Variants in SCN11A observed in about 807,000 individuals in gnomAD.
The protein encoded by SCN11A is sodium voltage-gated channel alpha subunit 11.
Under a neutral mutation model 162.2 loss-of-function variants are expected in SCN11A, and 122 were observed. The observed-to-expected ratio is 0.75, with a 90% confidence interval of 0.65 to 0.87. SCN11A has a LOEUF of 0.87. Among genes scored for constraint, SCN11A ranks in the 40% least tolerant of loss-of-function variants. SCN11A has a pLI of 0.00. For missense variants in SCN11A, 2,015 were observed against 2,181.6 expected, an observed-to-expected ratio of 0.92 and a Z score of 1.52; for synonymous variants, 758 against 751.5, an observed-to-expected ratio of 1.01 and a Z score of -0.14.
chr3:38,883,790 A>T (rs957291653), intron 21 of SCN11A, among the ~76,000 whole-genome samples: 1 of 152,192 alleles, frequency 6.6e-6, no homozygotes, highest in Non-Finnish European at 1.5e-5. Context: ...GCCAATCAAG[A>T]TCAGCTGAAT....
At chr3:38,887,344 G>C (rs1296455143) in intron 19 of SCN11A, among the ~76,000 whole-genome samples, 1 of 150,624 alleles carries the variant, frequency 6.6e-6, no homozygotes, top group Non-Finnish European at 1.5e-5. Flanking sequence ...GGCCACTGGA[G>C]CAAGTCACAC....
At chr3:38,979,908 A>AC (rs1420594573) in intron 2 of SCN11A, among the ~76,000 whole-genome samples, 1 of 151,700 alleles carries the variant, frequency 6.6e-6, no homozygotes, top group Admixed American at 6.6e-5. Flanking sequence ...AAAATTTAAA[A>AC]CCCCCTTAGT....
chr3:38,977,572 G>A (rs1044330221), intron 2 of SCN11A, among the ~76,000 whole-genome samples: 2 of 152,288 alleles, frequency 1.3e-5, no homozygotes, highest in East Asian at 1.9e-4. Context: ...TGTTAGTGTT[G>A]TTTGTGTTTT....
At chr3:38,849,638 A>G (rs1231411917) in intron 29 of SCN11A, 2 of 152,246 alleles carry the variant, frequency 1.3e-5, no homozygotes, top group Non-Finnish European at 2.9e-5. Flanking sequence ...TAAAATGTCA[A>G]GTTAACAGTT....
chr3:38,877,209 A>G (rs976538717), intron 23 of SCN11A, among the ~76,000 whole-genome samples: 1 of 46,744 alleles, frequency 2.1e-5, no homozygotes, highest in African/African-American at 1.1e-4. Context: ...TATATATGGT[A>G]TATATATGGT....
intron 28 of SCN11A, among the ~76,000 whole-genome samples, chr3:38,855,733 T>G (rs2064857958): frequency 6.6e-6 from 1 of 152,126 alleles, no homozygotes; most frequent in African/African-American, 2.4e-5. Context: ...ACGTGACAAC[T>G]TCACTGCTAG....
At chr3:38,938,918 T>C (rs1220508233) in intron 7 of SCN11A, among the ~76,000 whole-genome samples, 1 of 152,072 alleles carries the variant, frequency 6.6e-6, no homozygotes. Flanking sequence ...GGCTCATGCC[T>C]GTAATCTCAG....
intron 29 of SCN11A, among the ~76,000 whole-genome samples, chr3:38,848,265 T>C (rs1049896534): frequency 3.3e-5 from 5 of 152,246 alleles, no homozygotes; most frequent in Non-Finnish European, 4.4e-5. Flanking sequence ...CCCTGCCTGC[T>C]CTGCAGGCAA....
intron 19 of SCN11A, among the ~76,000 whole-genome samples, chr3:38,889,643 CA>C (rs1294633196): frequency 3.8e-4 from 57 of 149,394 alleles, no homozygotes; most frequent in African/African-American, 1.3e-3. Flanking sequence ...ACTAAAAATA[CA>C]AAAAAATCAG....
intron 1 of SCN11A, among the ~76,000 whole-genome samples, chr3:39,039,238 G>A (rs902332278): frequency 6.6e-6 from 1 of 152,164 alleles, no homozygotes; most frequent in South Asian, 2.1e-4. Flanking sequence ...TAAAACCACC[G>A]AAGCCCAGAA....
chr3:39,039,680 C>A (rs11925218), intron 1 of SCN11A, among the ~76,000 whole-genome samples: 67,621 of 152,058 alleles, frequency 0.44, 18,183 homozygotes, highest in African/African-American at 0.77. Flanking sequence ...GCCAATGTGC[C>A]TGGCCAGCCA....
Position 38,846,649 on chromosome 3 carries a change from G to A in SCN11A, c.*45C>T. ...TGCTGACCCCTGGAGCTCAGAGGCT[G>A]AAGGCAAGGCTGTGAAGCTATGAGG... On this transcript the variant is annotated 3_prime_UTR_variant, in exon 30 of 30. Transcript: ENST00000302328. The A allele has an allele frequency of 6.6e-7, 1 of 1,526,228 alleles. No homozygotes were observed. Among genetic ancestry groups the A allele is most frequent in the South Asian group, 1.1e-5 (1 of 87,984 alleles). 94.5% of individuals were successfully genotyped at this position (1,526,228 alleles called of 1,614,324 possible).
Position 38,894,568 on chromosome 3 carries a change from C to G in SCN11A, c.2800G>C (p.Ala934Pro). The change falls in exon 19 of 30, where the codon GCA becomes CCA. Residue 934 changes from alanine to proline, a missense_variant. Ala to Pro is a conservative substitution (Grantham distance 27). Transcript: ENST00000302328. ...GGCTCAGGTTGTGTGATGCGCTGTG[C>G]ATTATCTTCACCAGAAAATTCAACG... ...DDVEFSGEDN[A>P]QRITQPEPEQ... 1 of 1,613,088 alleles carries G rather than the reference C, an allele frequency of 6.2e-7. No homozygotes were observed. Among genetic ancestry groups the G allele is most frequent in the Non-Finnish European group, 8.5e-7 (1 of 1,179,462 alleles).
chr3:38,888,041 G>A (rs2065432191), intron 19 of SCN11A, among the ~76,000 whole-genome samples: 1 of 152,172 alleles, frequency 6.6e-6, no homozygotes, highest in Non-Finnish European at 1.5e-5. Flanking sequence ...AGCAGGTAAT[G>A]GTGTCTAAAA....
At chr3:39,002,097 C>T (rs2030833934) in intron 2 of SCN11A, among the ~76,000 whole-genome samples, 1 of 152,018 alleles carries the variant, frequency 6.6e-6, no homozygotes, top group Non-Finnish European at 1.5e-5. Context: ...GCACACTTGT[C>T]AGAAATCAAT....
chr3:39,031,021 G>C (rs942399240), intron 2 of SCN11A, among the ~76,000 whole-genome samples: 1 of 152,162 alleles, frequency 6.6e-6, no homozygotes, highest in African/African-American at 2.4e-5. Flanking sequence ...AAGCTAGATG[G>C]AGGTCAAAGC....
chr3:39,030,954 G>A lies in SCN11A; in HGVS notation c.-280+1426C>T, dbSNP rs576810538. On this transcript the variant is annotated intron_variant, in intron 2 of 29. Transcript: ENST00000302328. Reference sequence around the variant, plus strand: ...TTTTGAAGTCTGACTTGTCATATTCGCCAGTTAGTTCAAATCAAGGATGGC... The same window carrying A: ...TTTTGAAGTCTGACTTGTCATATTCACCAGTTAGTTCAAATCAAGGATGGC... 8.2e-4 allele frequency among the ~76,000 whole-genome samples: 125 copies of A among 152,244 alleles called. 1 individual carries two copies. The highest frequency in any genetic ancestry group is 2.7e-3 in the African/African-American group (111 of 41,550).
At chr3:39,011,490 G>A (rs1392338796) in intron 2 of SCN11A, among the ~76,000 whole-genome samples, 2 of 152,210 alleles carry the variant, frequency 1.3e-5, no homozygotes, top group African/African-American at 2.4e-5. Context: ...CCTTTTATCT[G>A]AGGTCTACGT....
At chr3:38,972,192 G>A (rs1318094460) in intron 2 of SCN11A, among the ~76,000 whole-genome samples, 1 of 152,226 alleles carries the variant, frequency 6.6e-6, no homozygotes, top group Non-Finnish European at 1.5e-5. Context: ...GCTCAGAGCT[G>A]TGCCTGCCTG....
Sources: allele counts gnomAD v4.1 joint callset (sites outside exome capture counted in the v4.1 genomes callset), GRCh38; gene constraint gnomAD v4.1.1; transcripts MANE v1.5; gene names NCBI Gene and HGNC (gene_info 2026-07-23, HGNC 2026-07-21).